The following RASA1 variants were observed in gnomAD, a reference collection of about 807,000 sequenced individuals.
RASA1 encodes the protein RAS p21 protein activator 1.
RASA1 carries 25 observed loss-of-function variants against 132.2 expected under a neutral mutation model. That is an observed-to-expected ratio of 0.19 (90% confidence interval 0.14 to 0.26). The LOEUF (loss-of-function observed/expected upper bound fraction) is 0.26, where lower values mean the gene tolerates loss of function less well. RASA1 is among the 10% of genes least tolerant of loss of function. The pLI is 1.00. For missense variants in RASA1, 964 were observed against 1,299.2 expected (o/e 0.74, Z 3.97); for synonymous variants, 477 against 449.9 (o/e 1.06, Z -0.76).
chr5:87,298,994 T>A (rs1350485507), intron 1 of RASA1, among the ~76,000 whole-genome samples: 1 of 152,206 alleles, frequency 6.6e-6, no homozygotes, highest in Non-Finnish European at 1.5e-5. Context: ...AAATCCAGAA[T>A]GTACATTAAC....
intron 1 of RASA1, among the ~76,000 whole-genome samples, chr5:87,291,278 C>T (rs964761134): frequency 6.6e-6 from 1 of 152,046 alleles, no homozygotes; most frequent in African/African-American, 2.4e-5. Flanking sequence ...ACCTATAATC[C>T]CAGCACTTTG....
chr5:87,354,382 T>G (rs911400478), intron 9 of RASA1, among the ~76,000 whole-genome samples: 1 of 152,150 alleles, frequency 6.6e-6, no homozygotes, highest in Non-Finnish European at 1.5e-5. Context: ...CTTAAAATGT[T>G]TCAAACTTTT....
At chr5:87,332,768 C>G (rs148945759) in intron 3 of RASA1, 126 bp downstream of exon 3, 2 of 984,118 alleles carry the variant, frequency 2.0e-6, no homozygotes, top group Non-Finnish European at 2.9e-6. Context: ...AATTTTAATT[C>G]GGGTTATAAT....
intron 1 of RASA1, among the ~76,000 whole-genome samples, chr5:87,325,554 T>G (rs900305583): frequency 5.3e-5 from 8 of 151,994 alleles, no homozygotes; most frequent in African/African-American, 1.9e-4. Context: ...GCACACAGAG[T>G]CCCAAGTGAT....
chr5:87,330,270 T>C (rs2112362759), intron 1 of RASA1, among the ~76,000 whole-genome samples: 1 of 152,250 alleles, frequency 6.6e-6, no homozygotes, highest in East Asian at 1.9e-4. Context: ...ACAACAAGCT[T>C]ACAAAAATAG....
At position 87,353,238 on chromosome 5, in the gene RASA1, C is replaced by G. The variant is rs372660229; in HGVS notation, c.1332+3C>G. The stretch of plus-strand genomic sequence containing the variant: ...TTAAGGAACCTGTACCAATGCAGGT[C>G]AGTGTTGCATTTCTTATTGCAATAA... On this transcript the variant is annotated splice_donor_region_variant and intron_variant, in intron 9 of 24. Coordinates refer to ENST00000274376, the MANE Select transcript of RASA1 (RefSeq NM_002890.3). 2 of 1,595,968 alleles carry G rather than the reference C, an allele frequency of 1.3e-6. No homozygotes were observed. The highest frequency in any genetic ancestry group is 1.7e-6 in the Non-Finnish European group (2 of 1,164,374).
At chr5:87,372,058 A>C in intron 12 of RASA1, 60 bp from the exon 13 acceptor site, 1 of 1,455,506 alleles carries the variant, frequency 6.9e-7, no homozygotes, top group Non-Finnish European at 9.4e-7. Flanking sequence ...AACCTAACTG[A>C]TGATTTGGAA....
intron 13 of RASA1, among the ~76,000 whole-genome samples, chr5:87,372,611 G>C (rs1002521756): frequency 2.6e-5 from 4 of 152,072 alleles, no homozygotes; most frequent in African/African-American, 9.7e-5. Context: ...TTAACTCTTA[G>C]GAAATATTTA....
chr5:87,277,759 C>T (rs1161713661), intron 1 of RASA1, among the ~76,000 whole-genome samples: 1 of 152,104 alleles, frequency 6.6e-6, no homozygotes, highest in African/African-American at 2.4e-5. Context: ...ATAAGGTCCT[C>T]ATTCTTTTAA....
intron 18 of RASA1, among the ~76,000 whole-genome samples, chr5:87,379,033 C>A (rs1448531467): frequency 6.6e-6 from 1 of 152,134 alleles, no homozygotes; most frequent in East Asian, 1.9e-4. Flanking sequence ...TGGAATCTCA[C>A]ACACATATTC....
intron 1 of RASA1, among the ~76,000 whole-genome samples, chr5:87,307,008 C>T (rs1325964496): frequency 3.3e-5 from 5 of 151,954 alleles, no homozygotes; most frequent in Non-Finnish European, 5.9e-5. Flanking sequence ...TATAGGTGTG[C>T]GCCACTGTGT....
intron 7 of RASA1, 125 bp downstream of exon 7, chr5:87,346,849 C>A: frequency 3.0e-6 from 2 of 657,644 alleles, no homozygotes; most frequent in Middle Eastern, 2.7e-4. Context: ...AATTTCGTGT[C>A]CAGTACTAAG....
At chr5:87,355,410 A>G (rs1759578298) in intron 9 of RASA1, among the ~76,000 whole-genome samples, 1 of 152,166 alleles carries the variant, frequency 6.6e-6, no homozygotes, top group South Asian at 2.1e-4. Context: ...ATGGAACTAC[A>G]AAGCCTGCAT....
rs763970609 is a variant in RASA1 at position 87,268,802 on chromosome 5, C to T, written c.351C>T (p.Thr117=). 6 of 1,614,104 alleles carry T rather than the reference C, an allele frequency of 3.7e-6. No individual in the cohort carries two copies. The highest frequency in any genetic ancestry group is 5.1e-6 in the Non-Finnish European group (6 of 1,180,028). Residue 117 remains threonine, a synonymous_variant, in exon 1 of 25, where the codon ACC becomes ACT. Coordinates refer to ENST00000274376, the MANE Select transcript of RASA1 (RefSeq NM_002890.3). ...GACCTAGTGGAGACATGGCTCTCAC[C>T]AAACTGCCCACTTCGTTGCTTGCTG... is the stretch of plus-strand genomic sequence containing the variant. ...VAGPSGDMAL[T]KLPTSLLAET... is the part of the protein sequence containing the mutation.
chr5:87,318,020 T>C (rs1756480642), intron 1 of RASA1, among the ~76,000 whole-genome samples: 1 of 152,266 alleles, frequency 6.6e-6, no homozygotes, highest in Admixed American at 6.5e-5. Context: ...TAATAGATAG[T>C]TGTAATGAAA....
intron 1 of RASA1, among the ~76,000 whole-genome samples, chr5:87,287,471 CCAT>C (rs765028099): frequency 1.7e-3 from 251 of 146,034 alleles, no homozygotes; most frequent in Non-Finnish European, 2.9e-3. Flanking sequence ...TATATACACA[CCAT>C]ATATATACAC....
At chr5:87,303,131 T>A (rs1016984479) in intron 1 of RASA1, among the ~76,000 whole-genome samples, 3 of 152,184 alleles carry the variant, frequency 2.0e-5, no homozygotes, top group African/African-American at 7.2e-5. Context: ...TCTACTTGTC[T>A]ATCTTTACAT....
chr5:87,301,274 G>A (rs1755349451), intron 1 of RASA1, among the ~76,000 whole-genome samples: 1 of 152,078 alleles, frequency 6.6e-6, no homozygotes, highest in African/African-American at 2.4e-5. Context: ...GCTCCCTTTA[G>A]TGTTGAAATG....
At chr5:87,308,771 C>T (rs1040134085) in intron 1 of RASA1, among the ~76,000 whole-genome samples, 7 of 152,208 alleles carry the variant, frequency 4.6e-5, no homozygotes, top group African/African-American at 1.2e-4. Context: ...TGTTTAGATA[C>T]ACAAATACCA....
Sources: allele counts gnomAD v4.1 joint callset (sites outside exome capture counted in the v4.1 genomes callset), GRCh38; gene constraint gnomAD v4.1.1; transcripts MANE v1.5; gene names NCBI Gene and HGNC (gene_info 2026-07-23, HGNC 2026-07-21).